The following PDE10A variants were observed in gnomAD, a reference collection of about 807,000 sequenced individuals.
PDE10A encodes phosphodiesterase 10A.
In PDE10A, 39 loss-of-function variants were observed where a neutral mutation model predicts 97.7. The ratio of observed to expected loss-of-function variants is 0.40; its 90% CI spans 0.31 to 0.52. The LOEUF is 0.52. Ranked by LOEUF, PDE10A falls within the 20% of genes least tolerant of loss-of-function variation. The pLI, the probability that PDE10A is intolerant of heterozygous loss-of-function variation, is 0.56. For synonymous variants in PDE10A, 371 were observed against 376.8 expected, an observed-to-expected ratio of 0.98 and a Z score of 0.18; for missense variants, 731 against 1,047.8, an observed-to-expected ratio of 0.70 and a Z score of 4.17.
intron 1 of PDE10A, among the ~76,000 whole-genome samples, chr6:165,604,476 C>T (rs1383063671): frequency 6.8e-6 from 1 of 147,546 alleles, no homozygotes; most frequent in Non-Finnish European, 1.5e-5. Context: ...CCACAAGCTA[C>T]CTGAGAAGCT....
intron 1 of PDE10A, among the ~76,000 whole-genome samples, chr6:165,846,762 C>A (rs994625130): frequency 1.3e-5 from 2 of 152,200 alleles, no homozygotes; most frequent in Admixed American, 6.5e-5. Flanking sequence ...GAAGTGAGAG[C>A]CGCAAGCCCT....
At chr6:165,416,456 G>T (rs551093562) in intron 11 of PDE10A, among the ~76,000 whole-genome samples, 175 bp from the exon 12 acceptor site, 11 of 152,230 alleles carry the variant, frequency 7.2e-5, no homozygotes, top group Non-Finnish European at 1.3e-4. Context: ...AAATAAAGCA[G>T]AAAACCATTA....
At chr6:165,585,298 C>T (rs1228430298) in intron 1 of PDE10A, among the ~76,000 whole-genome samples, 2 of 152,146 alleles carry the variant, frequency 1.3e-5, no homozygotes, top group African/African-American at 4.8e-5. Context: ...GCCAAGTTTA[C>T]AGGGGGTGAT....
chr6:165,576,454 A>T lies in PDE10A; in HGVS notation c.866-32886T>A, dbSNP rs79199585. 8.2e-4 allele frequency: 643 copies of T among 780,806 alleles called. 2 individuals carry two copies. Among genetic ancestry groups the T allele is most frequent in the Non-Finnish European group, 1.2e-3 (517 of 418,048 alleles). The allele number at this position is 780,806 out of a possible 1,614,324, so 48.4% of individuals were successfully genotyped here. On this transcript the variant is annotated intron_variant, in intron 1 of 21. Coordinates refer to ENST00000539869, the MANE Select transcript of PDE10A (RefSeq NM_001385079.1). Reference sequence around the variant, plus strand: ...TTCCTCTCTTCTATCCTCATTCTACATTCTTTTCCTTCAAAGTCTTCTCTA... The same window carrying T: ...TTCCTCTCTTCTATCCTCATTCTACTTTCTTTTCCTTCAAAGTCTTCTCTA...
At chr6:165,901,536 T>A (rs1782106063) in intron 1 of PDE10A, among the ~76,000 whole-genome samples, 1 of 152,072 alleles carries the variant, frequency 6.6e-6, no homozygotes, top group South Asian at 2.1e-4. Context: ...GGCACGGTGG[T>A]TCATGCCTGT....
chr6:165,614,461 C>T (rs1036579049), intron 1 of PDE10A, among the ~76,000 whole-genome samples: 1 of 152,144 alleles, frequency 6.6e-6, no homozygotes, highest in Non-Finnish European at 1.5e-5. Context: ...GTGCTTCTCA[C>T]GTCTGTCCTC....
intron 1 of PDE10A, among the ~76,000 whole-genome samples, chr6:165,917,852 G>A (rs1583282180): frequency 6.6e-6 from 1 of 152,114 alleles, no homozygotes; most frequent in Non-Finnish European, 1.5e-5. Context: ...AGCCGGTGAC[G>A]CTGGATGGCC....
intron 1 of PDE10A, among the ~76,000 whole-genome samples, chr6:165,545,778 A>C (rs1302498960): frequency 1.3e-5 from 2 of 152,090 alleles, no homozygotes; most frequent in Admixed American, 1.3e-4. Flanking sequence ...GTTGGCATGG[A>C]TGCAAAGCAA....
chr6:165,465,177 A>G (rs1207332749), intron 3 of PDE10A, among the ~76,000 whole-genome samples: 1 of 152,144 alleles, frequency 6.6e-6, no homozygotes, highest in Admixed American at 6.5e-5. Context: ...GGTGATCTAT[A>G]TCACACAAAT....
intron 1 of PDE10A, among the ~76,000 whole-genome samples, chr6:165,736,069 G>A (rs1792567222): frequency 6.6e-6 from 1 of 152,190 alleles, no homozygotes; most frequent in South Asian, 2.1e-4. Context: ...GAGTATTACA[G>A]TAAGGACAAG....
intron 13 of PDE10A, among the ~76,000 whole-genome samples, chr6:165,411,989 T>C (rs1045043676): frequency 6.6e-6 from 1 of 152,118 alleles, no homozygotes; most frequent in Non-Finnish European, 1.5e-5. Flanking sequence ...ATATTAACTA[T>C]TGCTGTTTTA....
At chr6:165,501,998 T>C (rs1261348752) in intron 2 of PDE10A, among the ~76,000 whole-genome samples, 1 of 152,208 alleles carries the variant, frequency 6.6e-6, no homozygotes, top group East Asian at 1.9e-4. Flanking sequence ...TATGCATATA[T>C]GTGAATTTAG....
intron 18 of PDE10A, among the ~76,000 whole-genome samples, chr6:165,373,102 G>C (rs1164701186): frequency 6.6e-6 from 1 of 150,958 alleles, no homozygotes; most frequent in East Asian, 1.9e-4. Context: ...AGACTTAAAT[G>C]TTAGACCTAA....
intron 1 of PDE10A, among the ~76,000 whole-genome samples, chr6:165,552,077 G>A (rs2128330184): frequency 6.6e-6 from 1 of 152,166 alleles, no homozygotes; most frequent in Non-Finnish European, 1.5e-5. Flanking sequence ...TTTCACTGGA[G>A]CTACCTTCAC....
chr6:165,843,238 T>C (rs1727436427), intron 1 of PDE10A, among the ~76,000 whole-genome samples: 2 of 152,212 alleles, frequency 1.3e-5, no homozygotes, highest in African/African-American at 4.8e-5. Flanking sequence ...GGTGTGAAGA[T>C]GCCTTATAGG....
intron 1 of PDE10A, among the ~76,000 whole-genome samples, chr6:165,559,438 T>G (rs1178511341): frequency 6.6e-6 from 1 of 152,254 alleles, no homozygotes; most frequent in Admixed American, 6.5e-5. Context: ...TTGTCCTATA[T>G]TATTGGTTTA....
chr6:165,734,992 A>AG (rs1377277660), intron 1 of PDE10A, among the ~76,000 whole-genome samples: 3 of 143,634 alleles, frequency 2.1e-5, no homozygotes, highest in Non-Finnish European at 4.5e-5. Flanking sequence ...ATAGATAGAT[A>AG]GTAGGTAGGT....
chr6:165,633,181 C>A (rs1788714883), intron 1 of PDE10A, among the ~76,000 whole-genome samples: 1 of 152,110 alleles, frequency 6.6e-6, no homozygotes, highest in Admixed American at 6.5e-5. Flanking sequence ...GTTTAGACAT[C>A]TATAAGATGT....
chr6:165,943,149 G>C (rs779493951), intron 1 of PDE10A, among the ~76,000 whole-genome samples: 3 of 135,080 alleles, frequency 2.2e-5, no homozygotes, highest in Non-Finnish European at 4.6e-5. Flanking sequence ...AGAGGAGAGA[G>C]AGAGAGAGAG....
Sources: allele counts gnomAD v4.1 joint callset (sites outside exome capture counted in the v4.1 genomes callset), GRCh38; gene constraint gnomAD v4.1.1; transcripts MANE v1.5; gene names NCBI Gene and HGNC (gene_info 2026-07-23, HGNC 2026-07-21).